The following PARD3 variants were observed in gnomAD, a reference collection of about 807,000 sequenced individuals.
The protein encoded by PARD3 is par-3 family cell polarity regulator, also known as partitioning defective 3 homolog.
A neutral mutation model predicts 155.4 loss-of-function variants in PARD3; 75 were observed. The observed-to-expected ratio is 0.48, with a 90% CI of 0.40 to 0.58. PARD3 has a LOEUF of 0.58. Among genes scored for constraint, PARD3 ranks in the 20% least tolerant of loss-of-function variants. The pLI, the probability that PARD3 is intolerant of heterozygous loss-of-function variation, is 0.00. For synonymous variants in PARD3, 576 were observed against 610.5 expected (o/e 0.94, Z 0.83); for missense variants, 1,642 against 1,721.7 (o/e 0.95, Z 0.82).
intron 3 of PARD3, among the ~76,000 whole-genome samples, chr10:34,484,646 G>A (rs1332695120): frequency 5.3e-5 from 8 of 152,188 alleles, no homozygotes; most frequent in Admixed American, 2.6e-4. Context: ...CCTGGTCTCT[G>A]CCCTCGTGAA....
chr10:34,355,667 G>A (rs1304648117), intron 14 of PARD3, among the ~76,000 whole-genome samples: 4 of 152,008 alleles, frequency 2.6e-5, no homozygotes, highest in South Asian at 2.1e-4. Context: ...AGTGGCTCAC[G>A]CCTGTAATTC....
At chr10:34,367,038 G>A (rs1840031533) in intron 12 of PARD3, among the ~76,000 whole-genome samples, 1 of 152,026 alleles carries the variant, frequency 6.6e-6, no homozygotes. Context: ...ATAATGCTGA[G>A]GAAAAAATGT....
At chr10:34,299,039 C>T (rs564157242) in intron 20 of PARD3, among the ~76,000 whole-genome samples, 26 of 152,300 alleles carry the variant, frequency 1.7e-4, no homozygotes, top group Admixed American at 1.4e-3. Flanking sequence ...ATAATACATC[C>T]TTTGTAACAT....
chr10:34,240,054 T>C (rs986672535), intron 22 of PARD3, among the ~76,000 whole-genome samples: 1 of 152,194 alleles, frequency 6.6e-6, no homozygotes, highest in African/African-American at 2.4e-5. Flanking sequence ...TTCTCAGTGA[T>C]TTAGCGTATG....
At chr10:34,532,108 T>G (rs545502744) in intron 2 of PARD3, among the ~76,000 whole-genome samples, 2 of 152,344 alleles carry the variant, frequency 1.3e-5, no homozygotes, top group Admixed American at 1.3e-4. Context: ...CAACTGTGAA[T>G]GGCACCACGT....
chr10:34,614,854 A>C (rs2091145001), intron 2 of PARD3, among the ~76,000 whole-genome samples: 1 of 152,162 alleles, frequency 6.6e-6, no homozygotes, highest in South Asian at 2.1e-4. Context: ...AAATAAACGA[A>C]GCTAGAGGCA....
rs1351537760 is a variant in PARD3, at chr10:34,491,506, T to C, written c.404-21243A>G. 3.9e-5 allele frequency among the ~76,000 whole-genome samples: 6 copies of C among 152,214 alleles called. No individual in the cohort carries two copies. In the East Asian group the frequency reaches 1.2e-3, roughly 29 times the overall value. ...TGAAATATGTTTATGTTTGTCCCTCTTGGGAATGATAACACATGCACATGA... is the reference window on the plus strand; with the variant it reads ...TGAAATATGTTTATGTTTGTCCCTCCTGGGAATGATAACACATGCACATGA... On this transcript the variant is annotated intron_variant, in intron 3 of 24. Transcript: ENST00000374788.
chr10:34,556,318 T>C (rs543592638), intron 2 of PARD3, among the ~76,000 whole-genome samples: 13 of 152,102 alleles, frequency 8.5e-5, no homozygotes, highest in African/African-American at 2.7e-4. Context: ...TAGTGTAACA[T>C]CCTGTGTGCA....
intron 4 of PARD3, among the ~76,000 whole-genome samples, chr10:34,452,605 T>C (rs1432604766): frequency 6.6e-6 from 1 of 152,094 alleles, no homozygotes; most frequent in Admixed American, 6.6e-5. Flanking sequence ...CCTTCCTGAA[T>C]CTATGCCATT....
intron 1 of PARD3, among the ~76,000 whole-genome samples, chr10:34,727,125 G>T (rs530973854): frequency 2.0e-5 from 3 of 152,278 alleles, no homozygotes; most frequent in South Asian, 2.1e-4. Context: ...TGTGGTGGGG[G>T]ATTCCATCCT....
chr10:34,732,162 T>C (rs779634901), intron 1 of PARD3, among the ~76,000 whole-genome samples: 23 of 152,098 alleles, frequency 1.5e-4, no homozygotes, highest in Non-Finnish European at 2.9e-4. Context: ...AGAACGCTTA[T>C]TGAAAGGTAA....
chr10:34,481,705 T>G (rs1462189576), intron 3 of PARD3, among the ~76,000 whole-genome samples: 1 of 152,210 alleles, frequency 6.6e-6, no homozygotes, highest in Non-Finnish European at 1.5e-5. Flanking sequence ...CATATTTGAT[T>G]AGCATCTAAC....
At chr10:34,587,922 A>AC (rs1248159589) in intron 2 of PARD3, among the ~76,000 whole-genome samples, 1 of 152,188 alleles carries the variant, frequency 6.6e-6, no homozygotes, top group East Asian at 1.9e-4. Context: ...CACAGGGGCC[A>AC]CAATAGGTGT....
chr10:34,530,126 T>C (rs1019088145), intron 2 of PARD3, among the ~76,000 whole-genome samples: 3 of 152,100 alleles, frequency 2.0e-5, no homozygotes, highest in African/African-American at 7.2e-5. Context: ...GAGGGGTTGG[T>C]CTTGCTGTCT....
chr10:34,794,534 A>G (rs565181803), intron 1 of PARD3, among the ~76,000 whole-genome samples: 253 of 152,226 alleles, frequency 1.7e-3, no homozygotes, highest in Non-Finnish European at 3.1e-3. Context: ...TAGTAGAATG[A>G]TGAAATTACT....
chr10:34,295,823 C>T (rs1956882799), intron 20 of PARD3, among the ~76,000 whole-genome samples: 1 of 152,078 alleles, frequency 6.6e-6, no homozygotes, highest in Non-Finnish European at 1.5e-5. Context: ...ATAATTCAGG[C>T]ATAATTAAGT....
intron 2 of PARD3, among the ~76,000 whole-genome samples, chr10:34,609,733 CA>C (rs2090746181): frequency 6.6e-6 from 1 of 152,050 alleles, no homozygotes; most frequent in African/African-American, 2.4e-5. Context: ...CGAGACAAAA[CA>C]AAAAACCTGT....
At chr10:34,716,687 G>C (rs915711298) in intron 1 of PARD3, among the ~76,000 whole-genome samples, 7 of 149,302 alleles carry the variant, frequency 4.7e-5, no homozygotes, top group Non-Finnish European at 8.9e-5. Flanking sequence ...CTGCCTCCTG[G>C]GTTCAAGCGA....
At chr10:34,467,504 T>C (rs2078084202) in intron 4 of PARD3, among the ~76,000 whole-genome samples, 1 of 152,018 alleles carries the variant, frequency 6.6e-6, no homozygotes, top group South Asian at 2.1e-4. Flanking sequence ...ATTCCAGCCT[T>C]TGGGACGCTG....
Sources: gnomAD v4.1 joint callset for allele counts (sites outside exome capture counted in the v4.1 genomes callset) on GRCh38, gnomAD v4.1.1 for gene constraint, MANE v1.5 for transcripts, NCBI Gene and HGNC (gene_info 2026-07-23, HGNC 2026-07-21) for gene names.